The following METTL15 variants were observed in gnomAD, a reference collection of about 807,000 sequenced individuals.
The protein encoded by METTL15 is methyltransferase 15, mitochondrial 12S rRNA N4-cytidine, also known as 12S rRNA N(4)-cytidine methyltransferase METTL15.
METTL15 carries 34 observed loss-of-function variants against 38.3 expected under a neutral mutation model. The observed-to-expected ratio is 0.89, with a 90% CI of 0.68 to 1.18. METTL15 has a LOEUF of 1.18. Among genes scored for constraint, METTL15 ranks in the 50% most tolerant of loss-of-function variants. The probability of loss-of-function intolerance (pLI) is 0.00; values close to 1 mark genes in which losing one functional copy is unlikely to be tolerated. For synonymous variants in METTL15, 162 were observed against 170.9 expected (o/e 0.95, Z 0.41); for missense variants, 438 against 498.4 (o/e 0.88, Z 1.15).
chr11:28,353,950 A>G (rs893089220), intron 4 of METTL15, among the ~76,000 whole-genome samples: 5 of 151,912 alleles, frequency 3.3e-5, no homozygotes, highest in African/African-American at 9.6e-5. Context: ...AAAAAAAAAA[A>G]AAAGGTGTCA....
intron 6 of METTL15, among the ~76,000 whole-genome samples, chr11:28,465,768 G>C (rs1851252039): frequency 6.6e-6 from 1 of 152,160 alleles, no homozygotes; most frequent in Non-Finnish European, 1.5e-5. Flanking sequence ...TTTTGGGCTA[G>C]ATAATTCTTT....
intron 5 of METTL15, among the ~76,000 whole-genome samples, chr11:28,417,791 T>C (rs1850786006): frequency 6.6e-6 from 1 of 152,194 alleles, no homozygotes; most frequent in African/African-American, 2.4e-5. Flanking sequence ...ACATGACCAA[T>C]GTACAGTCAA....
intron 3 of METTL15, among the ~76,000 whole-genome samples, chr11:28,122,537 C>T (rs572305259): frequency 1.1e-4 from 17 of 150,924 alleles, no homozygotes; most frequent in Admixed American, 2.0e-4. Context: ...GACGGGTTAA[C>T]ATTTAAAATA....
At chr11:28,209,716 A>G (rs1852541613) in intron 3 of METTL15, among the ~76,000 whole-genome samples, 1 of 151,962 alleles carries the variant, frequency 6.6e-6, no homozygotes, top group African/African-American at 2.4e-5. Flanking sequence ...GGGACTTAGC[A>G]TGGTAGATAC....
chr11:28,466,816 C>A (rs1851261083), intron 6 of METTL15, among the ~76,000 whole-genome samples: 1 of 152,124 alleles, frequency 6.6e-6, no homozygotes, highest in Admixed American at 6.5e-5. Flanking sequence ...AAAACAGAAG[C>A]ATTTAGGCTC....
intron 6 of METTL15, among the ~76,000 whole-genome samples, chr11:28,468,919 G>A (rs1297293070): frequency 6.6e-6 from 1 of 152,144 alleles, no homozygotes; most frequent in Non-Finnish European, 1.5e-5. Flanking sequence ...GACCAATTTG[G>A]GGGGCATAGA....
At chr11:28,282,954 C>A (rs1856112137) in intron 4 of METTL15, among the ~76,000 whole-genome samples, 1 of 152,144 alleles carries the variant, frequency 6.6e-6, no homozygotes, top group African/African-American at 2.4e-5. Context: ...AGAATCATGA[C>A]CATCATTATT....
At chr11:28,414,022 GGAAATGACTTTAA>G (rs1850751309) in intron 5 of METTL15, among the ~76,000 whole-genome samples, 1 of 152,046 alleles carries the variant, frequency 6.6e-6, no homozygotes, top group South Asian at 2.1e-4. Context: ...CCAAGAAAGT[GGAAATGACTTTAA>G]GACTTTTCAA....
chr11:28,357,331 G>A (rs187511992), intron 4 of METTL15, among the ~76,000 whole-genome samples: 24 of 152,350 alleles, frequency 1.6e-4, no homozygotes, highest in Admixed American at 1.4e-3. Context: ...GATAGTACAT[G>A]TGAATGTGCT....
rs7129587 is a variant in METTL15 at position 28,376,861 on chromosome 11, C to T, written c.*358+14825C>T. ...CTCTTTTAGGGCAGGCCTGGTGGTG[C>T]CAAAATCTCTCAGCATTTGCTTGTC... On this transcript the variant is annotated intron_variant and NMD_transcript_variant, in intron 5 of 7. Transcript: ENST00000532947. Among the ~76,000 whole-genome samples, 26 of 136,292 alleles carry T rather than the reference C, an allele frequency of 1.9e-4. 1 individual carries two copies. Among genetic ancestry groups the T allele is most frequent in the African/African-American group, 6.8e-4 (26 of 38,290 alleles). 89.4% of individuals were successfully genotyped at this position (136,292 alleles called of 152,430 possible).
At chr11:28,181,311 G>C (rs183376194) in intron 3 of METTL15, among the ~76,000 whole-genome samples, 38 of 134,514 alleles carry the variant, frequency 2.8e-4, no homozygotes, top group Non-Finnish European at 5.1e-4. Context: ...AGAACGTGCA[G>C]GTTTGTTACA....
intron 5 of METTL15, among the ~76,000 whole-genome samples, chr11:28,414,935 T>C (rs556023798): frequency 6.6e-6 from 1 of 152,338 alleles, no homozygotes; most frequent in South Asian, 2.1e-4. Context: ...TGAAAGCTAT[T>C]TGAAGCTTGC....
At chr11:28,215,741 A>T (rs1852836324) in intron 4 of METTL15, among the ~76,000 whole-genome samples, 1 of 152,214 alleles carries the variant, frequency 6.6e-6, no homozygotes, top group Admixed American at 6.5e-5. Flanking sequence ...AATTAATATT[A>T]TAAAAAGAGG....
intron 5 of METTL15, among the ~76,000 whole-genome samples, chr11:28,392,502 A>G (rs1850521530): frequency 6.6e-6 from 1 of 152,122 alleles, no homozygotes; most frequent in African/African-American, 2.4e-5. Flanking sequence ...AGTCTCTTCA[A>G]CAAATGATAT....
intron 5 of METTL15, among the ~76,000 whole-genome samples, chr11:28,414,436 G>A (rs1221884635): frequency 2.0e-5 from 3 of 151,844 alleles, no homozygotes; most frequent in Non-Finnish European, 4.4e-5. Context: ...TAGACTGCAG[G>A]GCTCCGTTCT....
chr11:28,449,209 G>T (rs1041715852), intron 6 of METTL15, among the ~76,000 whole-genome samples: 1 of 152,174 alleles, frequency 6.6e-6, no homozygotes, highest in African/African-American at 2.4e-5. Flanking sequence ...CCAGGAGGTG[G>T]ATAGTGCAGG....
intron 6 of METTL15, among the ~76,000 whole-genome samples, chr11:28,465,940 C>T (rs1163733437): frequency 2.0e-5 from 3 of 152,312 alleles, no homozygotes; most frequent in East Asian, 1.9e-4. Flanking sequence ...TGTTTTCAAA[C>T]ATCTTTACTC....
Position 28,342,446 on chromosome 11 carries a change from A to G in METTL15, c.*190-9644A>G, listed in dbSNP as rs1324673710. Among the ~76,000 whole-genome samples the G allele has an allele frequency of 2.7e-5, 4 of 146,782 alleles. No homozygotes were observed. In the South Asian group the frequency reaches 8.6e-4, roughly 32 times the overall value. On this transcript the variant is annotated intron_variant and NMD_transcript_variant, in intron 3 of 7. Transcript: ENST00000532947. The stretch of plus-strand genomic sequence containing the variant: ...CTGGGCTAATTTTTTTTTTTTTTGT[A>G]GGGACAGGGTTTCTCTATGTTGCCC...
At chr11:28,385,205 T>C (rs1396095946) in intron 5 of METTL15, among the ~76,000 whole-genome samples, 1 of 152,220 alleles carries the variant, frequency 6.6e-6, no homozygotes, top group Non-Finnish European at 1.5e-5. Flanking sequence ...ATCTTTGTTA[T>C]GAAATCTTTG....
Sources: allele counts gnomAD v4.1 joint callset (sites outside exome capture counted in the v4.1 genomes callset), GRCh38; gene constraint gnomAD v4.1.1; transcripts MANE v1.5; gene names NCBI Gene and HGNC (gene_info 2026-07-23, HGNC 2026-07-21).